The following PDE7B variants were observed in gnomAD, a reference collection of about 807,000 sequenced individuals.
PDE7B encodes the protein 3',5'-cyclic-AMP phosphodiesterase 7B.
Under a neutral mutation model 56.2 loss-of-function variants are expected in PDE7B, and 29 were observed. The ratio of observed to expected loss-of-function variants is 0.52; its 90% CI spans 0.38 to 0.70. The LOEUF is 0.70. Ranked by LOEUF, PDE7B falls within the 30% of genes least tolerant of loss-of-function variation. The pLI is 0.00. For synonymous variants in PDE7B, 197 were observed against 196.9 expected, an observed-to-expected ratio of 1.00 and a Z score of 0.00; for missense variants, 490 against 565.0, an observed-to-expected ratio of 0.87 and a Z score of 1.35.
intron 1 of PDE7B, among the ~76,000 whole-genome samples, chr6:135,900,570 C>T (rs1255389501): frequency 6.6e-6 from 1 of 151,962 alleles, no homozygotes; most frequent in Non-Finnish European, 1.5e-5. Context: ...GGTTTTCATC[C>T]TGATTTTTTT....
At chr6:136,112,810 G>A (rs968506510) in intron 3 of PDE7B, among the ~76,000 whole-genome samples, 2 of 152,098 alleles carry the variant, frequency 1.3e-5, no homozygotes, top group African/African-American at 4.8e-5. Flanking sequence ...GCGGGGAGGG[G>A]AAGCACATGT....
intron 2 of PDE7B, among the ~76,000 whole-genome samples, chr6:136,097,620 T>G (rs1192671030): frequency 6.6e-6 from 1 of 152,184 alleles, no homozygotes; most frequent in Non-Finnish European, 1.5e-5. Context: ...GAACACATTA[T>G]CCTTCTATTA....
chr6:136,148,621 T>C (rs1778460943), intron 4 of PDE7B, among the ~76,000 whole-genome samples: 1 of 151,580 alleles, frequency 6.6e-6, no homozygotes, highest in Non-Finnish European at 1.5e-5. Context: ...ATTGGGAAAT[T>C]TTTGAATGTT....
intron 12 of PDE7B, among the ~76,000 whole-genome samples, chr6:136,188,465 C>T (rs1779174978): frequency 6.6e-6 from 1 of 152,156 alleles, no homozygotes; most frequent in Admixed American, 6.5e-5. Context: ...CAATTCTCTC[C>T]TATCAATTGC....
chr6:135,906,812 T>TTTTTTTTTTTTTTTTTTTTTTTTG (rs1776115715), intron 1 of PDE7B, among the ~76,000 whole-genome samples: 1 of 127,810 alleles, frequency 7.8e-6, no homozygotes, highest in African/African-American at 3.9e-5. Context: ...TGAGGTTTGT[T>TTTTTTTTTTTTTTTTTTTTTTTTG]TTTTTTTTTT....
intron 2 of PDE7B, among the ~76,000 whole-genome samples, chr6:135,955,478 CT>C (rs1301850328): frequency 6.6e-5 from 10 of 152,156 alleles, no homozygotes; most frequent in African/African-American, 2.4e-4. Flanking sequence ...GTAAGAAAGT[CT>C]TTATGCCTGG....
At chr6:135,924,996 GT>G (rs5880270) in intron 1 of PDE7B, among the ~76,000 whole-genome samples, 33,125 of 133,714 alleles carry the variant, frequency 0.25, 3,763 homozygotes, top group East Asian at 0.47. Context: ...ATATTTGGGT[GT>G]TTTTTTTTTT....
intron 2 of PDE7B, among the ~76,000 whole-genome samples, chr6:136,069,060 G>A (rs1235181441): frequency 6.6e-6 from 1 of 152,134 alleles, no homozygotes; most frequent in Non-Finnish European, 1.5e-5. Context: ...AATGAGGCAT[G>A]TCCAACCACC....
rs539901243 is a variant in PDE7B, at chr6:135,914,370, C to T, written c.22-33094C>T. ...CATTTTTTGTCGACCCCTGCCCCAC[C>T]CCACTTCCCAGCACTGACGTGAACT... On this transcript the variant is annotated intron_variant, in intron 1 of 12. Transcript: ENST00000308191. Among the ~76,000 whole-genome samples, 3 of 151,818 alleles carry T rather than the reference C, an allele frequency of 2.0e-5. No individual in the cohort carries two copies. The South Asian group carries it at 6.3e-4, about 32-fold the overall frequency.
chr6:135,857,035 TCCC>T (rs1562412179), intron 1 of PDE7B, among the ~76,000 whole-genome samples: 1 of 20,536 alleles, frequency 4.9e-5, no homozygotes, highest in Non-Finnish European at 2.3e-4. Flanking sequence ...CCTCCCTCCC[TCCC>T]TCCCTCCCTC....
intron 1 of PDE7B, among the ~76,000 whole-genome samples, chr6:135,903,201 C>T (rs1016248095): frequency 1.3e-5 from 2 of 152,090 alleles, no homozygotes; most frequent in African/African-American, 4.8e-5. Context: ...CTAAACTGGC[C>T]CAAACACTGT....
intron 2 of PDE7B, among the ~76,000 whole-genome samples, chr6:136,082,373 A>T (rs748297899): frequency 5.3e-5 from 8 of 152,160 alleles, no homozygotes; most frequent in Non-Finnish European, 1.2e-4. Flanking sequence ...ATGGGAGCAA[A>T]CCTGTCTCTC....
chr6:135,924,617 CT>C (rs3037775), intron 1 of PDE7B, among the ~76,000 whole-genome samples: 848 of 49,546 alleles, frequency 0.017, 6 homozygotes, highest in African/African-American at 0.072. Flanking sequence ...CTCTCTCTCT[CT>C]TTTTTTTTTT....
intron 3 of PDE7B, among the ~76,000 whole-genome samples, chr6:136,126,938 T>A (rs1265798031): frequency 6.6e-6 from 1 of 152,128 alleles, no homozygotes; most frequent in African/African-American, 2.4e-5. Flanking sequence ...TGTTCCCCAA[T>A]AACCTATGGA....
chr6:135,981,291 G>A (rs1330683102), intron 2 of PDE7B, among the ~76,000 whole-genome samples: 1 of 111,840 alleles, frequency 8.9e-6, no homozygotes, highest in African/African-American at 3.3e-5. Context: ...TTGTGGGGTG[G>A]GGGGAGGGGG....
chr6:136,181,082 A>C (rs530733350), intron 10 of PDE7B, 145 bp from the exon 11 acceptor site: 50 of 647,974 alleles, frequency 7.7e-5, no homozygotes, highest in Non-Finnish European at 1.4e-4. Context: ...CAGTTTCCTG[A>C]AGAGGCATGT....
At chr6:136,007,480 T>C (rs1331965717) in intron 2 of PDE7B, among the ~76,000 whole-genome samples, 1 of 152,014 alleles carries the variant, frequency 6.6e-6, no homozygotes, top group African/African-American at 2.4e-5. Context: ...ATTATTGGTA[T>C]AACATACAGG....
chr6:136,037,877 C>T (rs538111988), intron 2 of PDE7B: 3 of 984,852 alleles, frequency 3.0e-6, no homozygotes, highest in East Asian at 1.1e-4. Flanking sequence ...AATGCTAGAA[C>T]CTCGATGGCT....
chr6:136,019,419 G>C (rs891649858), intron 2 of PDE7B, among the ~76,000 whole-genome samples: 4 of 152,128 alleles, frequency 2.6e-5, no homozygotes, highest in Admixed American at 2.6e-4. Context: ...CCATCAAACT[G>C]TCAAAGCATA....
Sources: gnomAD v4.1 joint callset for allele counts (sites outside exome capture counted in the v4.1 genomes callset) on GRCh38, gnomAD v4.1.1 for gene constraint, MANE v1.5 for transcripts, NCBI Gene and HGNC (gene_info 2026-07-23, HGNC 2026-07-21) for gene names.